The following RANBP2 variants were observed in gnomAD, a reference collection of about 807,000 sequenced individuals.
RANBP2 encodes the protein RAN binding protein 2.
Under a neutral mutation model 303.6 loss-of-function variants are expected in RANBP2, and 57 were observed. That is an observed-to-expected ratio of 0.19 (90% CI 0.15 to 0.23). The LOEUF (loss-of-function observed/expected upper bound fraction) is 0.23. Ranked by LOEUF, RANBP2 falls within the 10% of genes least tolerant of loss-of-function variation. RANBP2 has a pLI of 1.00. For missense variants in RANBP2, 3,138 were observed against 3,780.8 expected, an observed-to-expected ratio of 0.83 and a Z score of 4.46; for synonymous variants, 1,167 against 1,301.5, an observed-to-expected ratio of 0.90 and a Z score of 2.23.
chr2:109,534,308 C>T, the RANBP2 span, among the ~76,000 whole-genome samples: 30 of 152,264 alleles, frequency 2.0e-4, no homozygotes, highest in Middle Eastern at 3.4e-3. Context: ...GTCCTTAGGG[C>T]GCTCGGCCTC....
chr2:108,877,622 A>G, the RANBP2 span, among the ~76,000 whole-genome samples: 5 of 152,186 alleles, frequency 3.3e-5, no homozygotes, highest in Non-Finnish European at 5.9e-5. Flanking sequence ...ATGAGAGTGG[A>G]TGGCAGATAC....
chr2:109,498,530 G>C, the RANBP2 span, among the ~76,000 whole-genome samples: 1 of 152,206 alleles, frequency 6.6e-6, no homozygotes, highest in African/African-American at 2.4e-5. Flanking sequence ...GTGAACACGT[G>C]GGGTGGGGAA....
At chr2:108,896,921 G>A in the RANBP2 span, 9 of 1,612,448 alleles carry the variant, frequency 5.6e-6, no homozygotes, top group Admixed American at 6.7e-5. Context: ...GATGCAGCAT[G>A]TGGCTGGGAG....
chr2:109,239,870 C>A, the RANBP2 span, among the ~76,000 whole-genome samples: 1 of 152,186 alleles, frequency 6.6e-6, no homozygotes, highest in African/African-American at 2.4e-5. Flanking sequence ...TCCTTGGAGA[C>A]TTAGAGAAAT....
intron 9 of RANBP2, among the ~76,000 whole-genome samples, chr2:108,750,288 CTT>C (rs1675771476): frequency 6.6e-6 from 1 of 152,218 alleles, no homozygotes; most frequent in African/African-American, 2.4e-5. Context: ...ATAAATATCA[CTT>C]TTATTGGCAA....
At chr2:109,088,048 A>C in the RANBP2 span, among the ~76,000 whole-genome samples, 1 of 152,084 alleles carries the variant, frequency 6.6e-6, no homozygotes, top group Non-Finnish European at 1.5e-5. Flanking sequence ...GCGGATCATC[A>C]AGTCAGGAGC....
At chr2:109,292,142 C>T in the RANBP2 span, among the ~76,000 whole-genome samples, 6 of 152,196 alleles carry the variant, frequency 3.9e-5, no homozygotes, top group South Asian at 8.3e-4. Context: ...GGATTACAGG[C>T]GTGAGCTACC....
the RANBP2 span, among the ~76,000 whole-genome samples, chr2:109,030,325 AT>A: frequency 6.6e-6 from 1 of 152,214 alleles, no homozygotes; most frequent in East Asian, 1.9e-4. Flanking sequence ...AAATTATGGT[AT>A]GCTACGTAAA....
chr2:108,920,536 C>G, the RANBP2 span, among the ~76,000 whole-genome samples: 2 of 152,088 alleles, frequency 1.3e-5, no homozygotes, highest in Non-Finnish European at 2.9e-5. Context: ...CTCTTTTCAC[C>G]GGGCTACAGG....
the RANBP2 span, among the ~76,000 whole-genome samples, chr2:109,692,224 T>C: frequency 6.6e-6 from 1 of 152,020 alleles, no homozygotes; most frequent in Non-Finnish European, 1.5e-5. Flanking sequence ...CGTGATTCTA[T>C]TTAGGGGAAC....
At chr2:109,195,381 C>T in the RANBP2 span, among the ~76,000 whole-genome samples, 1 of 152,230 alleles carries the variant, frequency 6.6e-6, no homozygotes, top group Non-Finnish European at 1.5e-5. Flanking sequence ...GCTTCCCTGC[C>T]CTCTGGGACC....
the RANBP2 span, chr2:109,615,094 G>A: frequency 6.5e-7 from 1 of 1,549,646 alleles, no homozygotes. Context: ...AGGCCGGCCC[G>A]CCAGAACCTC....
chr2:109,311,848 A>AT, the RANBP2 span, among the ~76,000 whole-genome samples: 1 of 135,438 alleles, frequency 7.4e-6, no homozygotes, highest in African/African-American at 3.3e-5. Context: ...CTTTATTGTT[A>AT]TTTTTTTAAT....
At chr2:109,110,948 G>T in the RANBP2 span, among the ~76,000 whole-genome samples, 2 of 152,186 alleles carry the variant, frequency 1.3e-5, no homozygotes, top group African/African-American at 2.4e-5. Flanking sequence ...ATCACTATTT[G>T]CAGGGTAGAC....
chr2:109,689,697 C>A, the RANBP2 span, among the ~76,000 whole-genome samples: 8 of 152,172 alleles, frequency 5.3e-5, no homozygotes, highest in African/African-American at 1.7e-4. Context: ...ACGCTCTCTT[C>A]CTTCCTTCCC....
chr2:108,884,188 C>A, the RANBP2 span: 2 of 152,668 alleles, frequency 1.3e-5, no homozygotes, highest in Admixed American at 1.3e-4. Flanking sequence ...CAGGTATGAG[C>A]CACTGCACCT....
At chr2:109,104,256 T>C in the RANBP2 span, among the ~76,000 whole-genome samples, 1 of 152,218 alleles carries the variant, frequency 6.6e-6, no homozygotes, top group Non-Finnish European at 1.5e-5. Flanking sequence ...ATTCAGTATC[T>C]TATTGCTACA....
the RANBP2 span, among the ~76,000 whole-genome samples, chr2:109,694,083 C>T: frequency 2.0e-5 from 3 of 152,124 alleles, no homozygotes; most frequent in Admixed American, 6.5e-5. Flanking sequence ...GTCTGTGTCC[C>T]CACCAAATCT....
At chr2:108,883,919 G>T in the RANBP2 span, 2 of 147,542 alleles carry the variant, frequency 1.4e-5, no homozygotes, top group Non-Finnish European at 3.0e-5. Context: ...ATGTGAACTT[G>T]TTTTGATTTT....
Sources: gnomAD v4.1 joint callset for allele counts (sites outside exome capture counted in the v4.1 genomes callset) on GRCh38, gnomAD v4.1.1 for gene constraint, MANE v1.5 for transcripts, NCBI Gene and HGNC (gene_info 2026-07-23, HGNC 2026-07-21) for gene names.